CNTN6: variants seen among roughly 807,000 people sequenced by gnomAD.
CNTN6 encodes the protein contactin 6, also known as contactin-6.
In CNTN6, 137 loss-of-function variants were observed where a neutral mutation model predicts 122.8. That is an observed-to-expected ratio of 1.12 (90% CI 0.97 to 1.29). The LOEUF is 1.29. CNTN6 is among the 50% of genes most tolerant of loss of function. The pLI, the probability that CNTN6 is intolerant of heterozygous loss-of-function variation, is 0.00. For synonymous variants in CNTN6, 570 were observed against 426.0 expected (o/e 1.34, Z -4.16); for missense variants, 1,634 against 1,223.4 (o/e 1.34, Z -5.01).
chr3:1,098,662 C>A (rs2090666381), intron 1 of CNTN6, among the ~76,000 whole-genome samples: 1 of 150,316 alleles, frequency 6.7e-6, no homozygotes, highest in South Asian at 2.1e-4. Context: ...CTGCTGACTC[C>A]ATTTTTTTAA....
At chr3:1,386,741 T>C (rs965030936) in intron 20 of CNTN6, among the ~76,000 whole-genome samples, 10 of 152,192 alleles carry the variant, frequency 6.6e-5, no homozygotes, top group African/African-American at 1.9e-4. Context: ...ATAACAAATA[T>C]AGTTGCTGAA....
At chr3:1,125,585 G>C (rs2092131405) in intron 1 of CNTN6, among the ~76,000 whole-genome samples, 1 of 151,734 alleles carries the variant, frequency 6.6e-6, no homozygotes, top group Non-Finnish European at 1.5e-5. Context: ...CAGCCATTCA[G>C]CTTGTAAAAT....
chr3:1,293,704 GA>G (rs1304865265), intron 5 of CNTN6, among the ~76,000 whole-genome samples: 1 of 152,086 alleles, frequency 6.6e-6, no homozygotes, highest in African/African-American at 2.4e-5. Flanking sequence ...CCATCCAACT[GA>G]AGACTTTTTT....
chr3:1,179,720 A>G (rs920353169), intron 2 of CNTN6, among the ~76,000 whole-genome samples: 2 of 152,188 alleles, frequency 1.3e-5, no homozygotes, highest in African/African-American at 2.4e-5. Flanking sequence ...TCTCCTCCCC[A>G]TGTTTTGTAC....
chr3:1,215,883 C>T (rs1017168130), intron 2 of CNTN6, among the ~76,000 whole-genome samples: 2 of 151,934 alleles, frequency 1.3e-5, no homozygotes, highest in South Asian at 2.1e-4. Flanking sequence ...GGATTTATGG[C>T]GAGTACCCAC....
At chr3:1,152,698 T>G (rs1224282888) in intron 2 of CNTN6, among the ~76,000 whole-genome samples, 1 of 152,066 alleles carries the variant, frequency 6.6e-6, no homozygotes, top group African/African-American at 2.4e-5. Flanking sequence ...TTTCAAAATT[T>G]AGTTCCAATC....
rs745954598 is a variant in CNTN6, at chr3:1,383,155, A to G, written c.2380A>G (p.Ile794Val). The G allele has an allele frequency of 1.2e-6, 2 of 1,613,364 alleles. No individual in the cohort carries two copies. The highest frequency in any genetic ancestry group is 1.3e-5 in the African/African-American group (1 of 74,892). ...AGAAGGATCCCTGAGTACTGTGACC[A>G]TTGTCTACTCTGGGGAAGATGGTAA... ...EGEGSLSTVT[I>V]VYSGEDEPQL... The change falls in exon 18 of 23, where the codon ATT becomes GTT. Residue 794 changes from isoleucine to valine, a missense_variant. Physicochemically the swap from Ile to Val is conservative, Grantham distance 29. Transcript: ENST00000446702.
chr3:1,348,819 G>T (rs1038430674), intron 11 of CNTN6, among the ~76,000 whole-genome samples: 4 of 151,780 alleles, frequency 2.6e-5, no homozygotes, highest in African/African-American at 9.7e-5. Context: ...AAATAGGGGT[G>T]CAAACAATAC....
intron 2 of CNTN6, among the ~76,000 whole-genome samples, chr3:1,158,151 G>C (rs1250531391): frequency 6.6e-6 from 1 of 152,086 alleles, no homozygotes; most frequent in Non-Finnish European, 1.5e-5. Context: ...TCTCACCAAT[G>C]GTGTATGATG....
chr3:1,378,384 G>A (rs1303944333), intron 17 of CNTN6, among the ~76,000 whole-genome samples: 1 of 152,144 alleles, frequency 6.6e-6, no homozygotes, highest in Non-Finnish European at 1.5e-5. Flanking sequence ...TAGGCTATGA[G>A]AGATAACTGG....
At chr3:1,252,177 C>T (rs946056187) in intron 4 of CNTN6, among the ~76,000 whole-genome samples, 6 of 152,154 alleles carry the variant, frequency 3.9e-5, no homozygotes, top group African/African-American at 1.2e-4. Context: ...GCCTAGCTTG[C>T]CTTTCCCTTT....
chr3:1,314,005 G>A (rs1300800506), intron 7 of CNTN6, among the ~76,000 whole-genome samples: 2 of 152,040 alleles, frequency 1.3e-5, no homozygotes, highest in Non-Finnish European at 1.5e-5. Context: ...CACCTTAGGG[G>A]TTAGGTTTCC....
At position 1,373,966 on chromosome 3, in the gene CNTN6, T is replaced by C. The variant is rs1434794398; in HGVS notation, c.1988T>C (p.Val663Ala). Residue 663 changes from valine (V) to alanine (A), a missense_variant, in exon 16 of 23, where the codon GTT becomes GCT. By Grantham distance (64) the Val-to-Ala change is moderately conservative (BLOSUM62 0). Coordinates refer to ENST00000446702, the MANE Select transcript of CNTN6 (RefSeq NM_001289080.2). Reference sequence around the variant, plus strand: ...GGTAAGACATACAATGCAACAGTGGTTGGTTTGAGTCCTTGGGTGGAATAT... The same window carrying C: ...GGTAAGACATACAATGCAACAGTGGCTGGTTTGAGTCCTTGGGTGGAATAT... ...LNGKTYNATV[V>A]GLSPWVEYEF... is the part of the protein sequence containing the mutation. 8.7e-6 allele frequency: 14 copies of C among 1,613,172 alleles called. No homozygotes were observed. Among genetic ancestry groups the C allele is most frequent in the Middle Eastern group, 1.7e-4 (1 of 6,060 alleles).
At chr3:1,157,192 T>TTTTATTTA (rs1404306861) in intron 2 of CNTN6, among the ~76,000 whole-genome samples, 7 of 146,968 alleles carry the variant, frequency 4.8e-5, no homozygotes, top group Non-Finnish European at 7.4e-5. Context: ...AATTATACTC[T>TTTTATTTA]TTTATTTATT....
At chr3:1,234,697 G>A (rs1371691013) in intron 4 of CNTN6, among the ~76,000 whole-genome samples, 1 of 143,276 alleles carries the variant, frequency 7.0e-6, no homozygotes, top group Non-Finnish European at 1.5e-5. Flanking sequence ...TTCTACATCA[G>A]AAAAGAACTA....
intron 11 of CNTN6, among the ~76,000 whole-genome samples, chr3:1,341,822 C>T (rs1465646798): frequency 3.3e-5 from 5 of 152,122 alleles, no homozygotes; most frequent in African/African-American, 1.2e-4. Context: ...AGTAATTACG[C>T]ACTAGTTGTA....
chr3:1,316,805 A>G (rs1308765933), intron 7 of CNTN6, among the ~76,000 whole-genome samples: 2 of 152,024 alleles, frequency 1.3e-5, no homozygotes, highest in East Asian at 3.9e-4. Context: ...CGCTACTAAA[A>G]TAATTTTGTT....
chr3:1,234,624 C>T (rs1417206618), intron 4 of CNTN6, among the ~76,000 whole-genome samples: 2 of 152,088 alleles, frequency 1.3e-5, no homozygotes, highest in Non-Finnish European at 2.9e-5. Flanking sequence ...TTGCGAAGTG[C>T]GTATTAAGTG....
chr3:1,362,370 G>A (rs1354799016), intron 12 of CNTN6, among the ~76,000 whole-genome samples: 1 of 152,020 alleles, frequency 6.6e-6, no homozygotes, highest in Non-Finnish European at 1.5e-5. Flanking sequence ...TAGAAATATT[G>A]AAGTTCTCAG....
Sources: allele counts gnomAD v4.1 joint callset (sites outside exome capture counted in the v4.1 genomes callset), GRCh38; gene constraint gnomAD v4.1.1; transcripts MANE v1.5; gene names NCBI Gene and HGNC (gene_info 2026-07-23, HGNC 2026-07-21).